C2orf42: variants seen among roughly 807,000 people sequenced by gnomAD.
The protein encoded by C2orf42 is chromosome 2 open reading frame 42.
In C2orf42, 44 loss-of-function variants were observed where a neutral mutation model predicts 58.9. The ratio of observed to expected loss-of-function variants is 0.75; its 90% CI spans 0.59 to 0.96. The LOEUF (loss-of-function observed/expected upper bound fraction) is 0.96, where lower values mean the gene tolerates loss of function less well. Among genes scored for constraint, C2orf42 ranks in the 40% least tolerant of loss-of-function variants. C2orf42 has a pLI of 0.00. For missense variants in C2orf42, 630 were observed against 699.2 expected, an observed-to-expected ratio of 0.90 and a Z score of 1.12; for synonymous variants, 239 against 265.4, an observed-to-expected ratio of 0.90 and a Z score of 0.97.
intron 9 of C2orf42, among the ~76,000 whole-genome samples, chr2:70,152,179 C>T (rs576032646): frequency 2.0e-5 from 3 of 152,314 alleles, no homozygotes; most frequent in African/African-American, 7.2e-5. Context: ...TCCTTTCTCA[C>T]AAAGACTAAG....
rs184182839 is a variant in C2orf42, at chr2:70,180,480, C to T, written c.823+683G>A. On this transcript the variant is annotated intron_variant, in intron 3 of 9. Coordinates refer to ENST00000264434, the MANE Select transcript of C2orf42 (RefSeq NM_017880.3). ...AAAATTGGTCAGGCATGGTGGCAGG[C>T]GCCTGTAATCCCGGCTACTTGGGAG... 2.8e-3 allele frequency among the ~76,000 whole-genome samples: 419 copies of T among 149,480 alleles called. 1 individual carries two copies. Among genetic ancestry groups the T allele is most frequent in the Admixed American group, 4.7e-3 (71 of 14,968 alleles).
chr2:70,154,465 A>G (rs891122258), intron 9 of C2orf42, among the ~76,000 whole-genome samples: 1 of 150,282 alleles, frequency 6.7e-6, no homozygotes, highest in Non-Finnish European at 1.5e-5. Flanking sequence ...GTTCTAAAAT[A>G]TATTATAAAC....
At chr2:70,157,939 G>A (rs994212300) in intron 9 of C2orf42, among the ~76,000 whole-genome samples, 6 of 151,984 alleles carry the variant, frequency 3.9e-5, no homozygotes, top group African/African-American at 2.4e-5. Flanking sequence ...GGTGGCTCAC[G>A]TCTATAATCC....
At chr2:70,150,900 C>A (rs190906619) in intron 9 of C2orf42, among the ~76,000 whole-genome samples, 1 of 152,274 alleles carries the variant, frequency 6.6e-6, no homozygotes, top group Admixed American at 6.5e-5. Flanking sequence ...CACGTGCCAC[C>A]ACACCTGGCT....
At chr2:70,183,084 G>A (rs975201517) in intron 1 of C2orf42, 149 bp from the exon 2 acceptor site, 1 of 152,152 alleles carries the variant, frequency 6.6e-6, no homozygotes, top group African/African-American at 2.4e-5. Context: ...TAAGTGTTTT[G>A]TACTTCCAAC....
intron 8 of C2orf42, among the ~76,000 whole-genome samples, chr2:70,164,368 A>G (rs1031045932): frequency 1.3e-5 from 2 of 151,808 alleles, no homozygotes; most frequent in Admixed American, 6.6e-5. Flanking sequence ...TTTCTCGGGC[A>G]GGCACAGTGG....
rs189888065 is a variant in C2orf42 at position 70,162,622 on chromosome 2, A to G, written c.1354-1835T>C. On this transcript the variant is annotated intron_variant, in intron 8 of 9. Coordinates refer to ENST00000264434, the MANE Select transcript of C2orf42 (RefSeq NM_017880.3). ...TTGTGCCCTGCATTCCAGCCTAGAC[A>G]ACAGAGTGAGACTCTGTCTCAAACA... Among the ~76,000 whole-genome samples, 14 of 151,824 alleles carry G rather than the reference A, an allele frequency of 9.2e-5. No homozygotes were observed. In the East Asian group the frequency reaches 2.8e-3, roughly 30 times the overall value.
chr2:70,163,283 C>T lies in C2orf42; in HGVS notation c.1353+1809G>A, dbSNP rs536968378. On this transcript the variant is annotated intron_variant, in intron 8 of 9. Transcript: ENST00000264434. ...TTTTTGAGACAGCGTCTTGCTCTGT[C>T]GCCCAGGCTGGAGTGCAGTGGTGCG... Among the ~76,000 whole-genome samples, 8 of 151,904 alleles carry T rather than the reference C, an allele frequency of 5.3e-5. No individual in the cohort carries two copies. The East Asian group carries it at 1.4e-3, about 26-fold the overall frequency.
intron 5 of C2orf42, among the ~76,000 whole-genome samples, chr2:70,174,329 A>T (rs922623778): frequency 2.0e-5 from 3 of 152,100 alleles, no homozygotes; most frequent in African/African-American, 7.2e-5. Flanking sequence ...AATAAATAAA[A>T]ATAAATACAA....
At chr2:70,169,455 G>A in intron 6 of C2orf42, 102 bp downstream of exon 6, 1 of 562,124 alleles carries the variant, frequency 1.8e-6, no homozygotes, top group Non-Finnish European at 3.3e-6. Flanking sequence ...GTGCTCTCTG[G>A]ACTGAAGTCC....
intron 9 of C2orf42, among the ~76,000 whole-genome samples, chr2:70,156,628 G>A (rs1445616033): frequency 1.3e-5 from 2 of 152,112 alleles, no homozygotes; most frequent in Admixed American, 1.3e-4. Flanking sequence ...GGGAGGCTGA[G>A]GCACGAGGAC....
At chr2:70,187,522 G>A (rs1310980308) in intron 1 of C2orf42, among the ~76,000 whole-genome samples, 1 of 152,056 alleles carries the variant, frequency 6.6e-6, no homozygotes, top group Non-Finnish European at 1.5e-5. Context: ...CAAGTGCTGG[G>A]ATTACAGGCA....
In C2orf42 at chr2:70,170,254, ATTT is replaced by A. The variant is rs11357433; in HGVS notation, c.1040-596_1040-594del. Reference sequence around the variant, plus strand: ...ACTAAGTGAAATAAGATATTCTGGGATTTTTTTTTTTTTCTTCAGTCTCACTCT... The same window carrying A: ...ACTAAGTGAAATAAGATATTCTGGGATTTTTTTTTTCTTCAGTCTCACTCT... On this transcript the variant is annotated intron_variant, in intron 5 of 9. Coordinates refer to ENST00000264434, the MANE Select transcript of C2orf42 (RefSeq NM_017880.3). Among the ~76,000 whole-genome samples, 753 of 142,492 alleles carry A rather than the reference ATTT, an allele frequency of 5.3e-3. 5 individuals carry two copies. The highest frequency in any genetic ancestry group is 0.019 in the African/African-American group (721 of 38,850). The allele number at this position is 142,492 out of a possible 152,430, so 93.5% of individuals were successfully genotyped here.
rs573777630 is a variant in C2orf42 at position 70,158,892 on chromosome 2, G to A, written c.1516+1733C>T. ...CAGGCATGAGCCACCGCGCTCGGCC[G>A]AGTATTCCTTTTTTTTTTTTTTTTT... On this transcript the variant is annotated intron_variant, in intron 9 of 9. Coordinates refer to ENST00000264434, the MANE Select transcript of C2orf42 (RefSeq NM_017880.3). 1.4e-3 allele frequency among the ~76,000 whole-genome samples: 188 copies of A among 133,018 alleles called. 2 individuals are homozygous for A. The highest frequency in any genetic ancestry group is 3.2e-3 in the South Asian group (13 of 4,072). 87.3% of individuals were successfully genotyped at this position (133,018 alleles called of 152,430 possible). A position where few individuals can be genotyped will look rare whatever the true frequency, so the allele number is the denominator to read the frequency against.
intron 5 of C2orf42, among the ~76,000 whole-genome samples, chr2:70,171,071 T>C (rs1406267448): frequency 1.3e-4 from 20 of 151,880 alleles, no homozygotes; most frequent in African/African-American, 4.3e-4. Flanking sequence ...GCCGAGATTG[T>C]GCCACTGCAC....
chr2:70,162,075 G>A (rs1673084741), intron 8 of C2orf42, among the ~76,000 whole-genome samples: 2 of 151,224 alleles, frequency 1.3e-5, no homozygotes, highest in Non-Finnish European at 2.9e-5. Flanking sequence ...GCAGTGGCAC[G>A]ATCTCAGTTC....
At chr2:70,184,036 C>G (rs946443928) in intron 1 of C2orf42, among the ~76,000 whole-genome samples, 1 of 152,124 alleles carries the variant, frequency 6.6e-6, no homozygotes, top group African/African-American at 2.4e-5. Context: ...GTCTCGAACT[C>G]CTGGCCTCAA....
At chr2:70,183,729 T>TA (rs61040354) in intron 1 of C2orf42, among the ~76,000 whole-genome samples, 77,068 of 141,718 alleles carry the variant, frequency 0.54, 21,524 homozygotes, top group African/African-American at 0.71. Flanking sequence ...CCCATCTCTT[T>TA]AAAAAAAAAA....
intron 6 of C2orf42, among the ~76,000 whole-genome samples, chr2:70,165,963 T>C (rs1673372664): frequency 6.6e-6 from 1 of 151,824 alleles, no homozygotes; most frequent in African/African-American, 2.4e-5. Flanking sequence ...TGATCTCGGC[T>C]CACTGCAACC....
Sources: gnomAD v4.1 joint callset for allele counts (sites outside exome capture counted in the v4.1 genomes callset) on GRCh38, gnomAD v4.1.1 for gene constraint, MANE v1.5 for transcripts, NCBI Gene and HGNC (gene_info 2026-07-23, HGNC 2026-07-21) for gene names.